Variants in LRRC4C observed in about 807,000 individuals in gnomAD.
The protein encoded by LRRC4C is leucine rich repeat containing 4C, also known as leucine-rich repeat-containing protein 4C.
Under a neutral mutation model 33.6 loss-of-function variants are expected in LRRC4C, and 5 were observed. The ratio of observed to expected loss-of-function variants is 0.15; its 90% CI spans 0.08 to 0.31. The LOEUF is 0.31. LRRC4C is among the 10% of genes least tolerant of loss of function. The pLI is 1.00. For missense variants in LRRC4C, 560 were observed against 796.7 expected, an observed-to-expected ratio of 0.70 and a Z score of 3.58; for synonymous variants, 329 against 302.0, an observed-to-expected ratio of 1.09 and a Z score of -0.93.
intron 3 of LRRC4C, among the ~76,000 whole-genome samples, chr11:40,627,361 T>A (rs919870464): frequency 7.9e-5 from 12 of 152,114 alleles, no homozygotes; most frequent in African/African-American, 2.7e-4. Flanking sequence ...CAATTATGAT[T>A]TTCGGAGTTG....
At chr11:40,736,965 A>G (rs1947899008) in intron 2 of LRRC4C, among the ~76,000 whole-genome samples, 1 of 151,066 alleles carries the variant, frequency 6.6e-6, no homozygotes, top group Admixed American at 6.6e-5. Flanking sequence ...CACTCTGATG[A>G]TAGTTTATTT....
chr11:40,733,201 G>A (rs1193714202), intron 2 of LRRC4C, among the ~76,000 whole-genome samples: 1 of 145,856 alleles, frequency 6.9e-6, no homozygotes, highest in Non-Finnish European at 1.5e-5. Context: ...TCAGCCTCCC[G>A]AGTAGCTGGG....
chr11:40,558,390 A>T (rs1397155108), intron 3 of LRRC4C, among the ~76,000 whole-genome samples: 4 of 152,176 alleles, frequency 2.6e-5, no homozygotes, highest in African/African-American at 9.7e-5. Context: ...TTTAGACTTT[A>T]TCTTGTTTTC....
chr11:41,362,452 A>T (rs1376262489), intron 1 of LRRC4C, among the ~76,000 whole-genome samples: 1 of 152,106 alleles, frequency 6.6e-6, no homozygotes, highest in Admixed American at 6.5e-5. Flanking sequence ...AGTACCTGAA[A>T]GTCTCTCTCT....
chr11:41,027,478 G>A (rs369278417), intron 1 of LRRC4C, among the ~76,000 whole-genome samples: 8 of 151,746 alleles, frequency 5.3e-5, no homozygotes, highest in East Asian at 1.9e-4. Flanking sequence ...CTCATATGTC[G>A]TAGATGTAGA....
chr11:40,692,663 G>T (rs1945275963), intron 2 of LRRC4C, among the ~76,000 whole-genome samples: 1 of 152,000 alleles, frequency 6.6e-6, no homozygotes, highest in Non-Finnish European at 1.5e-5. Context: ...GTCTTAGGAA[G>T]TTAGGCCAAT....
chr11:40,300,583 TC>T (rs1375186293), intron 4 of LRRC4C, among the ~76,000 whole-genome samples: 3 of 152,162 alleles, frequency 2.0e-5, no homozygotes, highest in Non-Finnish European at 1.5e-5. Context: ...GATTCCAGGA[TC>T]CCAGCAGACT....
intron 5 of LRRC4C, among the ~76,000 whole-genome samples, chr11:40,146,258 G>A (rs1238964529): frequency 6.6e-6 from 1 of 152,110 alleles, no homozygotes; most frequent in African/African-American, 2.4e-5. Context: ...ATCAGCCACT[G>A]TGCATTATAT....
chr11:41,338,910 C>A (rs1011330350), intron 1 of LRRC4C, among the ~76,000 whole-genome samples: 2 of 151,760 alleles, frequency 1.3e-5, no homozygotes, highest in Non-Finnish European at 2.9e-5. Flanking sequence ...GTAATATTGA[C>A]ATGGAAATGT....
intron 1 of LRRC4C, among the ~76,000 whole-genome samples, chr11:41,278,938 G>T (rs1253007560): frequency 6.6e-6 from 1 of 152,106 alleles, no homozygotes. Context: ...AGGTAGCATA[G>T]TTAGTACCCA....
At chr11:40,407,831 A>C (rs984428046) in intron 3 of LRRC4C, among the ~76,000 whole-genome samples, 1 of 152,122 alleles carries the variant, frequency 6.6e-6, no homozygotes, top group African/African-American at 2.4e-5. Flanking sequence ...ATGTAATTGC[A>C]TCACATATTC....
chr11:40,808,508 A>C (rs1294391415), intron 2 of LRRC4C, among the ~76,000 whole-genome samples: 1 of 152,038 alleles, frequency 6.6e-6, no homozygotes, highest in African/African-American at 2.4e-5. Context: ...TTTACTATTT[A>C]TATTTTATTT....
At chr11:40,185,413 C>A (rs1426541195) in intron 5 of LRRC4C, among the ~76,000 whole-genome samples, 1 of 152,102 alleles carries the variant, frequency 6.6e-6, no homozygotes, top group East Asian at 1.9e-4. Flanking sequence ...CCACCCCACC[C>A]CCAACCACAA....
At chr11:41,285,823 A>ATTTAT (rs1288303347) in intron 1 of LRRC4C, among the ~76,000 whole-genome samples, 24 of 151,620 alleles carry the variant, frequency 1.6e-4, no homozygotes, top group African/African-American at 3.2e-4. Context: ...ATTTTATTTT[A>ATTTAT]TTTATTTTAT....
chr11:40,370,309 C>T (rs780423008), intron 3 of LRRC4C, among the ~76,000 whole-genome samples: 8 of 152,144 alleles, frequency 5.3e-5, no homozygotes, highest in Non-Finnish European at 1.0e-4. Context: ...AAACACCAAC[C>T]GCAACATCTA....
chr11:41,384,707 G>A (rs867465833), intron 1 of LRRC4C, among the ~76,000 whole-genome samples: 124 of 150,834 alleles, frequency 8.2e-4, no homozygotes, highest in African/African-American at 2.9e-3. Flanking sequence ...CTTCACTGTC[G>A]GTTGATTCAA....
intron 3 of LRRC4C, among the ~76,000 whole-genome samples, chr11:40,363,296 T>G (rs1414909211): frequency 1.3e-5 from 2 of 152,086 alleles, no homozygotes; most frequent in African/African-American, 4.8e-5. Context: ...CTTAGCAAAC[T>G]AACGCAAGAA....
chr11:41,112,986 C>A (rs540736380), intron 1 of LRRC4C, among the ~76,000 whole-genome samples: 1 of 152,044 alleles, frequency 6.6e-6, no homozygotes, highest in Non-Finnish European at 1.5e-5. Flanking sequence ...GATACAAACA[C>A]AGAATTAAAA....
intron 2 of LRRC4C, among the ~76,000 whole-genome samples, chr11:40,834,101 A>G (rs1328838699): frequency 6.6e-6 from 1 of 152,192 alleles, no homozygotes; most frequent in Non-Finnish European, 1.5e-5. Flanking sequence ...ATGCCATCAT[A>G]GTAATTTGTG....
Sources: gnomAD v4.1 joint callset for allele counts (sites outside exome capture counted in the v4.1 genomes callset) on GRCh38, gnomAD v4.1.1 for gene constraint, MANE v1.5 for transcripts, NCBI Gene and HGNC (gene_info 2026-07-23, HGNC 2026-07-21) for gene names.